Variants in ROBO1 observed in about 807,000 individuals in gnomAD.
ROBO1 encodes the protein roundabout homolog 1.
Under a neutral mutation model 195.9 loss-of-function variants are expected in ROBO1, and 149 were observed. The ratio of observed to expected loss-of-function variants is 0.76; its 90% CI spans 0.67 to 0.87. ROBO1 has a LOEUF of 0.87. Ranked by LOEUF, ROBO1 falls within the 40% of genes least tolerant of loss-of-function variation. The pLI is 0.00. For synonymous variants in ROBO1, 816 were observed against 733.2 expected (o/e 1.11, Z -1.82); for missense variants, 1,933 against 2,068.3 (o/e 0.93, Z 1.27).
rs566251967 is a variant in ROBO1 at position 79,145,042 on chromosome 3, C to T, written c.89-19503G>A. On this transcript the variant is annotated intron_variant, in intron 2 of 30. Transcript: ENST00000464233. ...AAAAAAGATTATTGCTCTTGTACAT[C>T]CTATTTTTATATACCTTCAAATCTT... Among the ~76,000 whole-genome samples, 9 of 151,994 alleles carry T rather than the reference C, an allele frequency of 5.9e-5. No homozygotes were observed. The East Asian group carries it at 1.4e-3, about 23-fold the overall frequency.
intron 4 of ROBO1, among the ~76,000 whole-genome samples, chr3:78,882,812 CTTTT>C (rs34634729): frequency 7.3e-6 from 1 of 136,482 alleles, no homozygotes. Context: ...TCTTCCTAAT[CTTTT>C]TTTTTTTTTT....
chr3:79,249,409 G>T (rs1239396772), intron 2 of ROBO1, among the ~76,000 whole-genome samples: 1 of 152,088 alleles, frequency 6.6e-6, no homozygotes, highest in Non-Finnish European at 1.5e-5. Context: ...AACTTTCGTG[G>T]TCATCTCACC....
At chr3:79,125,573 T>A in intron 2 of ROBO1, 34 bp from the exon 3 acceptor site, 1 of 1,541,224 alleles carries the variant, frequency 6.5e-7, no homozygotes, top group Non-Finnish European at 9.0e-7. Flanking sequence ...GCTGATGGGG[T>A]CACAGTAGTA....
chr3:79,566,335 C>T (rs1559998260), intron 2 of ROBO1, among the ~76,000 whole-genome samples: 1 of 152,018 alleles, frequency 6.6e-6, no homozygotes, highest in Admixed American at 6.6e-5. Context: ...ACATTGTAAA[C>T]AGGTAAAGAA....
At chr3:79,638,275 G>C (rs1337428828) in intron 1 of ROBO1, among the ~76,000 whole-genome samples, 1 of 152,146 alleles carries the variant, frequency 6.6e-6, no homozygotes, top group African/African-American at 2.4e-5. Context: ...GCAAAGGCAG[G>C]AAAAAGCAGC....
rs182116100 is a variant in ROBO1, at chr3:78,622,967, A to T, written c.3875+4354T>A. The stretch of plus-strand genomic sequence containing the variant: ...AAGCAACTAAAGCCATATGGATTGG[A>T]GATGAATTGTCCAGCTGAATCCTTT... On this transcript the variant is annotated intron_variant, in intron 26 of 30. Transcript: ENST00000464233. 3.3e-5 allele frequency among the ~76,000 whole-genome samples: 5 copies of T among 152,320 alleles called. No individual in the cohort carries two copies. The East Asian group carries it at 9.6e-4, about 29-fold the overall frequency.
chr3:78,720,872 C>T (rs139514700), intron 5 of ROBO1, among the ~76,000 whole-genome samples: 5,687 of 151,328 alleles, frequency 0.038, 354 homozygotes, highest in African/African-American at 0.13. Flanking sequence ...CATGTTCTCA[C>T]TCATAGGTGG....
intron 2 of ROBO1, among the ~76,000 whole-genome samples, chr3:79,489,127 A>T (rs948903191): frequency 4.0e-5 from 6 of 149,322 alleles, no homozygotes; most frequent in African/African-American, 1.5e-4. Flanking sequence ...TATATATATA[A>T]AACATGTGGT....
At chr3:79,273,581 A>G (rs1050563007) in intron 2 of ROBO1, among the ~76,000 whole-genome samples, 6 of 152,030 alleles carry the variant, frequency 3.9e-5, no homozygotes, top group African/African-American at 1.2e-4. Context: ...CACAAAAAGG[A>G]AGACAGAAAG....
At chr3:78,619,276 A>G (rs370900070) in intron 26 of ROBO1, among the ~76,000 whole-genome samples, 16 of 152,142 alleles carry the variant, frequency 1.1e-4, no homozygotes, top group East Asian at 9.8e-4. Flanking sequence ...AGCAGCTGAG[A>G]TTAGGGTCTA....
intron 1 of ROBO1, among the ~76,000 whole-genome samples, chr3:79,753,974 C>T (rs1215838170): frequency 6.6e-6 from 1 of 152,130 alleles, no homozygotes; most frequent in Non-Finnish European, 1.5e-5. Context: ...GGGTGAAGAA[C>T]AGGAGACAGC....
At chr3:79,579,788 GAAAT>G (rs1187351497) in intron 2 of ROBO1, among the ~76,000 whole-genome samples, 1 of 152,052 alleles carries the variant, frequency 6.6e-6, no homozygotes, top group East Asian at 1.9e-4. Context: ...GGCAAGAAAA[GAAAT>G]AAAATGTGCA....
At chr3:79,693,913 A>G (rs1947368174) in intron 1 of ROBO1, among the ~76,000 whole-genome samples, 1 of 151,820 alleles carries the variant, frequency 6.6e-6, no homozygotes, top group Non-Finnish European at 1.5e-5. Context: ...AGAAGTGGGT[A>G]CATAAATTAT....
At chr3:79,450,320 C>T (rs923605834) in intron 2 of ROBO1, among the ~76,000 whole-genome samples, 1 of 112,314 alleles carries the variant, frequency 8.9e-6, no homozygotes, top group African/African-American at 3.6e-5. Context: ...CAGAGACAGA[C>T]AGACAGGGTG....
intron 2 of ROBO1, among the ~76,000 whole-genome samples, chr3:79,251,965 CTT>C (rs2082737565): frequency 6.6e-6 from 1 of 151,028 alleles, no homozygotes; most frequent in Non-Finnish European, 1.5e-5. Flanking sequence ...AACCAGAAAA[CTT>C]AGGTGACCCA....
intron 4 of ROBO1, among the ~76,000 whole-genome samples, chr3:78,755,408 A>G (rs1388335329): frequency 6.6e-6 from 1 of 152,160 alleles, no homozygotes; most frequent in Non-Finnish European, 1.5e-5. Context: ...TGGGAGATTG[A>G]GGCCACTTTG....
At chr3:78,898,482 G>C (rs1268650184) in intron 4 of ROBO1, among the ~76,000 whole-genome samples, 1 of 149,076 alleles carries the variant, frequency 6.7e-6, no homozygotes, top group East Asian at 2.0e-4. Context: ...CCGTCTCCTG[G>C]GTTCACGCAA....
chr3:78,772,516 C>A (rs986525235), intron 4 of ROBO1, among the ~76,000 whole-genome samples: 4 of 152,016 alleles, frequency 2.6e-5, no homozygotes, highest in African/African-American at 9.7e-5. Context: ...GTGAGATTAT[C>A]AATGATTTCA....
intron 2 of ROBO1, among the ~76,000 whole-genome samples, chr3:79,379,971 T>G (rs944053118): frequency 3.3e-5 from 5 of 152,238 alleles, no homozygotes; most frequent in African/African-American, 4.8e-5. Flanking sequence ...ATTCCTTTAC[T>G]ACAACAGAAA....
Sources: allele counts gnomAD v4.1 joint callset (sites outside exome capture counted in the v4.1 genomes callset), GRCh38; gene constraint gnomAD v4.1.1; transcripts MANE v1.5; gene names NCBI Gene and HGNC (gene_info 2026-07-23, HGNC 2026-07-21).